The following USP30 variants were observed in gnomAD, a reference collection of about 807,000 sequenced individuals.
The protein encoded by USP30 is ubiquitin carboxyl-terminal hydrolase 30.
A neutral mutation model predicts 68.2 loss-of-function variants in USP30; 41 were observed. The observed-to-expected ratio is 0.60, with a 90% CI of 0.47 to 0.78. The LOEUF (loss-of-function observed/expected upper bound fraction) is 0.78, where lower values mean the gene tolerates loss of function less well. Ranked by LOEUF, USP30 falls within the 30% of genes least tolerant of loss-of-function variation. The pLI is 0.00. For missense variants in USP30, 522 were observed against 649.4 expected (o/e 0.80, Z 2.13); for synonymous variants, 229 against 253.7 (o/e 0.90, Z 0.93).
rs1214049745 is a variant in USP30 at position 109,085,803 on chromosome 12, G to A, written c.1426G>A (p.Val476Ile). Residue 476 changes from valine (V) to isoleucine (I), a missense_variant, in exon 13 of 13, where the codon GTC becomes ATC. Val to Ile is a conservative substitution (Grantham distance 29). Coordinates refer to ENST00000257548, the MANE Select transcript of USP30 (RefSeq NM_032663.5). ...CTCAACTAGCAATCAGTGGCTGTGG[G>A]TCTCCGATGACACTGTCCGCAAGGC... ...PLSTSNQWLW[V>I]SDDTVRKASL... 6.2e-7 allele frequency: 1 copy of A among 1,614,190 alleles called. No homozygotes were observed. Among genetic ancestry groups the A allele is most frequent in the Admixed American group, 1.7e-5 (1 of 60,028 alleles).
chr12:109,082,463 C>G, intron 9 of USP30, 200 bp from the exon 10 acceptor site: 1 of 591,664 alleles, frequency 1.7e-6, no homozygotes, highest in Non-Finnish European at 3.0e-6. Flanking sequence ...TTCACATTCT[C>G]TTCCCTCCAC....
chr12:109,052,512 G>A (rs1259199199), upstream of USP30: 3 of 509,446 alleles, frequency 5.9e-6, no homozygotes, highest in Non-Finnish European at 9.6e-6. Flanking sequence ...CTCTCCGGGG[G>A]CAGCTACTTC....
intron 3 of USP30, among the ~76,000 whole-genome samples, chr12:109,036,855 C>CT (rs2040524686): frequency 6.6e-6 from 1 of 152,066 alleles, no homozygotes. Flanking sequence ...TCAAAATTCT[C>CT]TTTGTCTTTG....
At chr12:109,056,630 T>G in intron 1 of USP30, 52 bp from the exon 2 acceptor site, 8 of 1,328,710 alleles carry the variant, frequency 6.0e-6, no homozygotes, top group Non-Finnish European at 8.5e-6. Context: ...ATCTGTATAT[T>G]TGCCTTTTGT....
At chr12:109,058,470 G>A (rs531197055) in intron 3 of USP30, among the ~76,000 whole-genome samples, 5 of 152,144 alleles carry the variant, frequency 3.3e-5, no homozygotes, top group Non-Finnish European at 5.9e-5. Flanking sequence ...TACTCAGGAG[G>A]CTGAGGCAGA....
chr12:109,076,736 T>TC (rs1393585616), intron 7 of USP30, among the ~76,000 whole-genome samples: 1 of 146,698 alleles, frequency 6.8e-6, no homozygotes, highest in Non-Finnish European at 1.5e-5. Context: ...TTTTTTCTTT[T>TC]TTTTTTTTTT....
chr12:109,055,369 C>CAT (rs71443830), intron 1 of USP30, among the ~76,000 whole-genome samples: 3 of 68,794 alleles, frequency 4.4e-5, no homozygotes, highest in Non-Finnish European at 8.2e-5. Flanking sequence ...TACACACACA[C>CAT]ATATATATAC....
chr12:109,025,795 C>G (rs2040441030), intron 2 of USP30, among the ~76,000 whole-genome samples: 1 of 151,954 alleles, frequency 6.6e-6, no homozygotes, highest in Admixed American at 6.6e-5. Context: ...TCTAGCGATT[C>G]TCCCACCTCA....
upstream of USP30, among the ~76,000 whole-genome samples, chr12:109,050,133 A>C (rs142206796): frequency 2.1e-3 from 323 of 152,230 alleles, 2 homozygotes; most frequent in African/African-American, 7.6e-3. Flanking sequence ...GTCTCTACTA[A>C]AAATACAAAA....
intron 11 of USP30, among the ~76,000 whole-genome samples, chr12:109,084,552 C>T (rs1350520336): frequency 6.6e-6 from 1 of 152,168 alleles, no homozygotes; most frequent in Admixed American, 6.6e-5. Flanking sequence ...TGTTCAACAT[C>T]CTCTAATGCA....
At chr12:109,065,239 T>TC (rs1275680712) in intron 3 of USP30, among the ~76,000 whole-genome samples, 5 of 152,142 alleles carry the variant, frequency 3.3e-5, no homozygotes, top group Non-Finnish European at 7.4e-5. Flanking sequence ...TCTCTCACAC[T>TC]CTAGCAGTAC....
intron 3 of USP30, among the ~76,000 whole-genome samples, chr12:109,041,622 G>A (rs113233599): frequency 0.031 from 4,629 of 149,242 alleles, 97 homozygotes; most frequent in South Asian, 0.1. Flanking sequence ...GTGACAGAGC[G>A]AAACTCCATT....
At chr12:109,077,366 T>A (rs1251328164) in intron 7 of USP30, among the ~76,000 whole-genome samples, 2 of 152,230 alleles carry the variant, frequency 1.3e-5, no homozygotes, top group Non-Finnish European at 2.9e-5. Context: ...TAATTTTTTT[T>A]AAACTTTGTT....
chr12:109,087,854 C>T lies in USP30; in HGVS notation c.*1923C>T, dbSNP rs76779951. 209 of 174,944 alleles carry T rather than the reference C, an allele frequency of 1.2e-3. No homozygotes were observed. The highest frequency in any genetic ancestry group is 4.7e-3 in the African/African-American group (196 of 41,928). 10.8% of individuals were successfully genotyped at this position (174,944 alleles called of 1,614,324 possible). A position where few individuals can be genotyped will look rare whatever the true frequency, so the allele number is the denominator to read the frequency against. On this transcript the variant is annotated 3_prime_UTR_variant, in exon 13 of 13. Transcript: ENST00000257548. ...AATTATTATGCATTAAGTAGCAGCC[C>T]AATAATCTGATTTCTAGTTTTATTT... is the stretch of plus-strand genomic sequence containing the variant.
At chr12:109,077,540 T>G (rs2041647556) in intron 7 of USP30, among the ~76,000 whole-genome samples, 1 of 152,204 alleles carries the variant, frequency 6.6e-6, no homozygotes, top group South Asian at 2.1e-4. Flanking sequence ...TTTTCGGCCT[T>G]TGTATTTAAA....
rs2041957161 is a variant in USP30, at chr12:109,086,791, A to G, written c.*860A>G. The G allele has an allele frequency of 6.6e-6, 1 of 152,250 alleles. No individual in the cohort carries two copies. The highest frequency in any genetic ancestry group is 1.5e-5 in the Non-Finnish European group (1 of 68,050). The allele number at this position is 152,250 out of a possible 1,614,324, so 9.4% of individuals were successfully genotyped here. A position where few individuals can be genotyped will look rare whatever the true frequency, so the allele number is the denominator to read the frequency against. On this transcript the variant is annotated 3_prime_UTR_variant, in exon 13 of 13. Coordinates refer to ENST00000257548, the MANE Select transcript of USP30 (RefSeq NM_032663.5). ...ACTTTCATCTGTTTATTTATTGCCC[A>G]TGCAGAGCTCTTAAGGTTTACAGGT...
At chr12:109,024,082 CT>C in intron 1 of USP30, among the ~76,000 whole-genome samples, 1 of 152,202 alleles carries the variant, frequency 6.6e-6, no homozygotes, top group Admixed American at 6.6e-5. Context: ...GGTGGGTAAC[CT>C]CGAGCAGGTT....
At chr12:109,056,643 TTGTG>T in intron 1 of USP30, 35 bp from the exon 2 acceptor site, 1 of 1,481,954 alleles carries the variant, frequency 6.7e-7, no homozygotes, top group South Asian at 1.2e-5. Flanking sequence ...CCTTTTGTGT[TTGTG>T]TGAGGGAAGA....
intron 3 of USP30, among the ~76,000 whole-genome samples, chr12:109,028,922 A>C (rs1341667985): frequency 2.0e-5 from 3 of 152,238 alleles, no homozygotes; most frequent in African/African-American, 7.2e-5. Context: ...ACATTTTAAC[A>C]TGAGATCTGG....
Sources: allele counts gnomAD v4.1 joint callset (sites outside exome capture counted in the v4.1 genomes callset), GRCh38; gene constraint gnomAD v4.1.1; transcripts MANE v1.5; gene names NCBI Gene and HGNC (gene_info 2026-07-23, HGNC 2026-07-21).